The following MBNL1 variants were observed in gnomAD, a reference collection of about 807,000 sequenced individuals.
MBNL1 encodes the protein muscleblind like splicing regulator 1.
A neutral mutation model predicts 42.2 loss-of-function variants in MBNL1; 8 were observed. That is an observed-to-expected ratio of 0.19 (90% CI 0.11 to 0.34). MBNL1 has a LOEUF of 0.34. Ranked by LOEUF, MBNL1 falls within the 10% of genes least tolerant of loss-of-function variation. The probability of loss-of-function intolerance (pLI) is 1.00; values close to 1 mark genes in which losing one functional copy is unlikely to be tolerated. For missense variants in MBNL1, 309 were observed against 495.3 expected (o/e 0.62, Z 3.57); for synonymous variants, 169 against 173.9 (o/e 0.97, Z 0.22).
intron 2 of MBNL1, chr3:152,338,260 C>T: frequency 2.0e-6 from 2 of 985,352 alleles, no homozygotes; most frequent in Non-Finnish European, 2.4e-6. Flanking sequence ...TCAAGCACTA[C>T]CTGAGCTCTG....
intron 1 of MBNL1, among the ~76,000 whole-genome samples, chr3:152,289,333 A>G (rs895266004): frequency 3.9e-5 from 6 of 152,122 alleles, no homozygotes; most frequent in Non-Finnish European, 5.9e-5. Flanking sequence ...GATCATTAAT[A>G]TATTTTATAT....
chr3:152,247,957 A>G (rs1001327395), intron 2 of MBNL1, among the ~76,000 whole-genome samples: 7 of 151,850 alleles, frequency 4.6e-5, no homozygotes, highest in Non-Finnish European at 1.0e-4. Flanking sequence ...TTCATACCTC[A>G]TTATTATTCT....
intron 1 of MBNL1, chr3:152,269,634 A>T (rs1420205348): frequency 5.2e-6 from 2 of 387,214 alleles, no homozygotes; most frequent in Admixed American, 5.5e-5. Context: ...CCTTATATGG[A>T]GAGTGCTGTA....
chr3:152,416,909 T>C (rs546039847), intron 3 of MBNL1, among the ~76,000 whole-genome samples: 1 of 152,254 alleles, frequency 6.6e-6, no homozygotes. Context: ...GAAAATTCTC[T>C]GCTTAGACAA....
chr3:152,258,682 G>A (rs1452539740), intron 2 of MBNL1, among the ~76,000 whole-genome samples: 2 of 152,224 alleles, frequency 1.3e-5, no homozygotes, highest in Non-Finnish European at 2.9e-5. Context: ...CCCCAAAGTA[G>A]ACAGTGTTTT....
At chr3:152,330,273 C>G (rs1487765855) in intron 2 of MBNL1, among the ~76,000 whole-genome samples, 2 of 152,106 alleles carry the variant, frequency 1.3e-5, no homozygotes, top group African/African-American at 4.8e-5. Flanking sequence ...CACCACTGCC[C>G]AGCTAAAATG....
At chr3:152,438,936 G>A (rs2099113060) in intron 4 of MBNL1, among the ~76,000 whole-genome samples, 1 of 151,996 alleles carries the variant, frequency 6.6e-6, no homozygotes, top group South Asian at 2.1e-4. Flanking sequence ...AAAAACCAGG[G>A]GACACGTATT....
At chr3:152,383,324 C>G (rs1168950909) in intron 2 of MBNL1, among the ~76,000 whole-genome samples, 1 of 151,980 alleles carries the variant, frequency 6.6e-6, no homozygotes, top group African/African-American at 2.4e-5. Context: ...TTCAAAAGCC[C>G]TGAAATGTTA....
intron 2 of MBNL1, among the ~76,000 whole-genome samples, chr3:152,354,346 G>A (rs958641088): frequency 6.6e-6 from 1 of 152,194 alleles, no homozygotes; most frequent in East Asian, 1.9e-4. Context: ...TCCCTGCTAC[G>A]TGGGAGGCTG....
chr3:152,384,085 G>T (rs547418948), intron 2 of MBNL1, among the ~76,000 whole-genome samples: 7 of 152,080 alleles, frequency 4.6e-5, no homozygotes, highest in African/African-American at 1.7e-4. Context: ...AAATGTAAAT[G>T]ATTTATATTT....
intron 3 of MBNL1, among the ~76,000 whole-genome samples, chr3:152,430,301 A>C (rs2098989637): frequency 6.6e-6 from 1 of 152,178 alleles, no homozygotes; most frequent in African/African-American, 2.4e-5. Flanking sequence ...TTTGCTTTTA[A>C]ATAATTATAG....
At chr3:152,268,644 C>G (rs1360781714), upstream of MBNL1, 1 of 413,020 alleles carries the variant, frequency 2.4e-6, no homozygotes, top group African/African-American at 2.1e-5. Context: ...GGATCCACGG[C>G]GCCCGCGCGG....
intron 1 of MBNL1, among the ~76,000 whole-genome samples, chr3:152,275,692 G>A (rs1460911072): frequency 9.0e-6 from 1 of 111,354 alleles, no homozygotes; most frequent in Non-Finnish European, 1.7e-5. Context: ...TGGCAACAGA[G>A]CAAGACTCTT....
rs575429626 is a variant in MBNL1, at chr3:152,375,063, C to T, written c.175-39878C>T. ...TTATGTTGTCTAGGCTGGTTTCAAA[C>T]TCCTGGCCCCAAGCAGCCTTCCTTC... On this transcript the variant is annotated intron_variant, in intron 2 of 9. Transcript: ENST00000324210. Among the ~76,000 whole-genome samples the T allele has an allele frequency of 4.6e-5, 7 of 152,220 alleles. No individual in the cohort carries two copies. In the South Asian group the frequency reaches 1.5e-3, roughly 32 times the overall value.
intron 2 of MBNL1, among the ~76,000 whole-genome samples, chr3:152,379,120 A>G (rs1195127448): frequency 1.3e-5 from 2 of 152,216 alleles, no homozygotes; most frequent in South Asian, 2.1e-4. Context: ...ATAATCTCAA[A>G]CTAGATTAGA....
intron 1 of MBNL1, among the ~76,000 whole-genome samples, chr3:152,287,004 G>C (rs1390482013): frequency 6.6e-6 from 1 of 152,130 alleles, no homozygotes; most frequent in Non-Finnish European, 1.5e-5. Flanking sequence ...TGGCTCACGA[G>C]GTCAGGAGAT....
chr3:152,316,663 T>C (rs149306405), intron 2 of MBNL1, among the ~76,000 whole-genome samples: 148 of 152,288 alleles, frequency 9.7e-4, no homozygotes, highest in Non-Finnish European at 1.8e-3. Context: ...TTAAAAGCTG[T>C]GTGCCTCTGA....
chr3:152,420,621 C>T lies in MBNL1; in HGVS notation c.345+5510C>T, dbSNP rs147837992. On this transcript the variant is annotated intron_variant, in intron 3 of 9. Coordinates refer to ENST00000324210, the MANE Select transcript of MBNL1 (RefSeq NM_021038.5). Reference sequence around the variant, plus strand: ...CAAAAACCCTATCGAAGGTCACCAACATCAAAGACCAAAGGTAGGTAAATC... The same window carrying T: ...CAAAAACCCTATCGAAGGTCACCAATATCAAAGACCAAAGGTAGGTAAATC... Among the ~76,000 whole-genome samples, 26 of 152,290 alleles carry T rather than the reference C, an allele frequency of 1.7e-4. No homozygotes were observed. The East Asian group carries it at 4.6e-3, about 27-fold the overall frequency.
At chr3:152,381,689 C>T (rs550505406) in intron 2 of MBNL1, among the ~76,000 whole-genome samples, 1 of 151,748 alleles carries the variant, frequency 6.6e-6, no homozygotes, top group Non-Finnish European at 1.5e-5. Flanking sequence ...TAATTCTTTT[C>T]ATTCACATGT....
Sources: allele counts gnomAD v4.1 joint callset (sites outside exome capture counted in the v4.1 genomes callset), GRCh38; gene constraint gnomAD v4.1.1; transcripts MANE v1.5; gene names NCBI Gene and HGNC (gene_info 2026-07-23, HGNC 2026-07-21).